The following SCNN1B variants were observed in gnomAD, a reference collection of about 807,000 sequenced individuals.
SCNN1B encodes sodium channel epithelial 1 subunit beta.
A neutral mutation model predicts 65.3 loss-of-function variants in SCNN1B; 46 were observed. That is an observed-to-expected ratio of 0.70 (90% CI 0.56 to 0.90). SCNN1B has a LOEUF of 0.90. Ranked by LOEUF, SCNN1B falls within the 40% of genes least tolerant of loss-of-function variation. The probability of loss-of-function intolerance (pLI) is 0.00; values close to 1 mark genes in which losing one functional copy is unlikely to be tolerated. For missense variants in SCNN1B, 751 were observed against 830.5 expected (o/e 0.90, Z 1.18); for synonymous variants, 349 against 330.6 (o/e 1.06, Z -0.60).
intron 1 of SCNN1B, among the ~76,000 whole-genome samples, chr16:23,333,026 G>A (rs1024304070): frequency 3.3e-5 from 5 of 150,516 alleles, no homozygotes; most frequent in African/African-American, 9.8e-5. Context: ...AGCCAAAATC[G>A]CCCCATTGCA....
intron 2 of SCNN1B, among the ~76,000 whole-genome samples, chr16:23,297,187 C>T (rs943003483): frequency 6.6e-6 from 1 of 152,142 alleles, no homozygotes; most frequent in Non-Finnish European, 1.5e-5. Context: ...CAAGCCATGG[C>T]TTCCCTTTCA....
intron 2 of SCNN1B, 138 bp from the exon 3 acceptor site, chr16:23,352,663 G>A (rs1481536924): frequency 3.1e-6 from 3 of 961,452 alleles, no homozygotes; most frequent in Non-Finnish European, 4.9e-6. Context: ...TACCTCTTCT[G>A]TTTATAAATT....
intron 10 of SCNN1B, among the ~76,000 whole-genome samples, chr16:23,377,790 C>CTTCT (rs796420919): frequency 0.018 from 1,741 of 97,380 alleles, 41 homozygotes; most frequent in African/African-American, 0.062. Context: ...CCCTCCCTTC[C>CTTCT]TTCTTTCCTT....
chr16:23,310,051 C>A (rs1961308016), intron 1 of SCNN1B, among the ~76,000 whole-genome samples: 1 of 152,074 alleles, frequency 6.6e-6, no homozygotes, highest in African/African-American at 2.4e-5. Flanking sequence ...AAGAAGCACG[C>A]CCCTCCACAC....
chr16:23,303,904 G>A (rs1180161027), intron 1 of SCNN1B: 1 of 698,696 alleles, frequency 1.4e-6, no homozygotes, highest in African/African-American at 1.7e-5. Flanking sequence ...GAGTGAAAGA[G>A]CAAGACTCTG....
At chr16:23,356,581 G>A (rs1250912841) in intron 4 of SCNN1B, among the ~76,000 whole-genome samples, 5 of 151,578 alleles carry the variant, frequency 3.3e-5, no homozygotes, top group African/African-American at 7.3e-5. Context: ...CCATGATCAC[G>A]TCACTGCACT....
chr16:23,289,083 G>A (rs2141969636), intron 2 of SCNN1B, among the ~76,000 whole-genome samples: 1 of 152,316 alleles, frequency 6.6e-6, no homozygotes, highest in East Asian at 1.9e-4. Flanking sequence ...TTAGAAGCAA[G>A]CCACTAGATC....
chr16:23,342,180 G>A (rs1224842233), intron 1 of SCNN1B, among the ~76,000 whole-genome samples: 1 of 152,210 alleles, frequency 6.6e-6, no homozygotes, highest in East Asian at 1.9e-4. Context: ...ACTAATACAT[G>A]CTGCAACGTA....
intron 7 of SCNN1B, among the ~76,000 whole-genome samples, chr16:23,372,635 A>C (rs1347161907): frequency 6.6e-6 from 1 of 151,552 alleles, no homozygotes; most frequent in East Asian, 2.0e-4. Flanking sequence ...CTGGGACTAC[A>C]GGTGCCCACC....
At chr16:23,316,590 TCAC>T (rs1961472938) in intron 1 of SCNN1B, among the ~76,000 whole-genome samples, 1 of 128,124 alleles carries the variant, frequency 7.8e-6, no homozygotes, top group African/African-American at 4.8e-5. Flanking sequence ...ATCACCATCT[TCAC>T]CACCATCACC....
intron 2 of SCNN1B, among the ~76,000 whole-genome samples, chr16:23,292,833 G>A (rs940640491): frequency 2.0e-5 from 3 of 150,600 alleles, no homozygotes; most frequent in Non-Finnish European, 4.4e-5. Flanking sequence ...GACTTATAAT[G>A]TTTGGGTGCA....
chr16:23,307,902 G>A (rs574337130), intron 1 of SCNN1B, among the ~76,000 whole-genome samples: 17 of 152,142 alleles, frequency 1.1e-4, no homozygotes, highest in Admixed American at 2.6e-4. Flanking sequence ...AAAATTAGCC[G>A]GGTGTAGTGG....
rs549560095 is a variant in SCNN1B, at chr16:23,348,494, C to T, written c.-8-98C>T. On this transcript the variant is annotated intron_variant, in intron 1 of 12. Transcript: ENST00000343070. This position sits in a 1 kb window ranked among gnomAD's most constrained non-coding sequence, Gnocchi z 4.5. ...GGGGAGGGTAAAGAGGGAGGAAGAA[C>T]GGGGACGTACCGCCGCCCAGTTCCT... is the stretch of plus-strand genomic sequence containing the variant. The T allele has an allele frequency of 4.0e-5, 43 of 1,085,320 alleles. No individual in the cohort carries two copies. Among genetic ancestry groups the T allele is most frequent in the Middle Eastern group, 2.9e-4 (1 of 3,438 alleles). 67.2% of individuals were successfully genotyped at this position (1,085,320 alleles called of 1,614,324 possible).
chr16:23,368,168 G>C (rs542818997), intron 5 of SCNN1B, among the ~76,000 whole-genome samples: 1 of 152,186 alleles, frequency 6.6e-6, no homozygotes, highest in African/African-American at 2.4e-5. Flanking sequence ...TTCAGAATCC[G>C]TGGGGTAGCA....
rs565961331 is a variant in SCNN1B at position 23,286,535 on chromosome 16, T to C, written n.178+2731T>C. ...CTGGTGTGATGCAAGAGCATACTTATAACACCACCCAGGAAGAATTCTTGC... is the reference window on the plus strand; with the variant it reads ...CTGGTGTGATGCAAGAGCATACTTACAACACCACCCAGGAAGAATTCTTGC... On this transcript the variant is annotated intron_variant and non_coding_transcript_variant, in intron 2 of 3. Transcript: ENST00000569789. 3.9e-5 allele frequency among the ~76,000 whole-genome samples: 6 copies of C among 152,378 alleles called. No individual in the cohort carries two copies. The South Asian group carries it at 1.0e-3, about 26-fold the overall frequency.
At chr16:23,305,534 TTA>T (rs56338840) in intron 1 of SCNN1B, among the ~76,000 whole-genome samples, 87 of 7,368 alleles carry the variant, frequency 0.012, 1 homozygote, top group Non-Finnish European at 0.019. Flanking sequence ...AATATATATA[TTA>T]TATATATATA....
rs1472284922 is a variant in SCNN1B, at chr16:23,377,784, CCCTTCCTTCTTTCCTT to C, written c.1404+417_1404+432del. Among the ~76,000 whole-genome samples, 8 of 98,738 alleles carry C rather than the reference CCCTTCCTTCTTTCCTT, an allele frequency of 8.1e-5. No individual in the cohort carries two copies. The East Asian group carries it at 8.5e-4, about 11-fold the overall frequency. 64.8% of individuals were successfully genotyped at this position (98,738 alleles called of 152,430 possible). On this transcript the variant is annotated intron_variant, in intron 10 of 12. Transcript: ENST00000343070. ...CTTCCTTCCTCCTTTCTTCCTCCCT[CCCTTCCTTCTTTCCTT>C]CCTTCCTTCTTTCCTTCCACCAATA...
At position 23,343,631 on chromosome 16, in the gene SCNN1B, G is replaced by A. The variant is rs1449546298; in HGVS notation, c.-8-4961G>A. 2.6e-3 allele frequency among the ~76,000 whole-genome samples: 267 copies of A among 103,646 alleles called. 5 individuals are homozygous for A. Among genetic ancestry groups the A allele is most frequent in the Middle Eastern group, 0.012 (2 of 168 alleles). The allele number at this position is 103,646 out of a possible 152,430, so 68.0% of individuals were successfully genotyped here. A position where few individuals can be genotyped will look rare whatever the true frequency, so the allele number is the denominator to read the frequency against. Reference sequence around the variant, plus strand: ...AGAAAGAAAGAAAGAAAGAAAGAAAGAAAGAAAGAAAGAAAGAAAAAAAGA... The same window carrying A: ...AGAAAGAAAGAAAGAAAGAAAGAAAAAAAGAAAGAAAGAAAGAAAAAAAGA... On this transcript the variant is annotated intron_variant, in intron 1 of 12. Transcript: ENST00000343070.
chr16:23,343,785 T>C (rs536720696), intron 1 of SCNN1B, among the ~76,000 whole-genome samples: 1 of 152,340 alleles, frequency 6.6e-6, no homozygotes, highest in South Asian at 2.1e-4. Context: ...CTCTGAAGCA[T>C]GACAATTGGT....
Sources: gnomAD v4.1 joint callset for allele counts (sites outside exome capture counted in the v4.1 genomes callset) on GRCh38, gnomAD v4.1.1 for gene constraint, Gnocchi (gnomAD v3.1) non-coding constraint, MANE v1.5 for transcripts, NCBI Gene and HGNC (gene_info 2026-07-23, HGNC 2026-07-21) for gene names.